Variants in GRIN2B observed in about 807,000 individuals in gnomAD.
GRIN2B encodes glutamate receptor ionotropic, NMDA 2B.
A neutral mutation model predicts 114.5 loss-of-function variants in GRIN2B; 5 were observed. That is an observed-to-expected ratio of 0.04 (90% CI 0.02 to 0.09). The LOEUF (loss-of-function observed/expected upper bound fraction) is 0.09. GRIN2B is among the 10% of genes least tolerant of loss of function. GRIN2B has a pLI of 1.00. For synonymous variants in GRIN2B, 787 were observed against 745.1 expected (o/e 1.06, Z -0.92); for missense variants, 1,108 against 1,943.5 (o/e 0.57, Z 8.08).
intron 5 of GRIN2B, among the ~76,000 whole-genome samples, chr12:13,620,478 CCT>C (rs2136486315): frequency 6.6e-6 from 1 of 152,280 alleles, no homozygotes; most frequent in Non-Finnish European, 1.5e-5. Flanking sequence ...AGCCCTGGCC[CCT>C]GTTGTTAAAC....
intron 3 of GRIN2B, among the ~76,000 whole-genome samples, chr12:13,862,058 G>A (rs1865761411): frequency 6.6e-6 from 1 of 152,196 alleles, no homozygotes; most frequent in South Asian, 2.1e-4. Flanking sequence ...TTTAGGAAGT[G>A]ATGCCCGAAT....
intron 8 of GRIN2B, among the ~76,000 whole-genome samples, chr12:13,614,016 C>CAAAAAA (rs77527098): frequency 1.3e-3 from 124 of 92,426 alleles, no homozygotes; most frequent in East Asian, 2.3e-3. Flanking sequence ...CCTTGCACAG[C>CAAAAAA]AAAAAAAAAA....
chr12:13,843,067 G>C (rs1591762864), intron 3 of GRIN2B, among the ~76,000 whole-genome samples: 1 of 132,128 alleles, frequency 7.6e-6, no homozygotes, highest in African/African-American at 2.9e-5. Flanking sequence ...TTTATTTTAA[G>C]TTCCAGGATA....
At chr12:13,693,915 G>A (rs923401631) in intron 4 of GRIN2B, among the ~76,000 whole-genome samples, 6 of 151,992 alleles carry the variant, frequency 3.9e-5, no homozygotes, top group African/African-American at 1.2e-4. Context: ...GACCAGTTCT[G>A]GTCACCAACT....
rs1349506481 is a variant in GRIN2B, at chr12:13,563,033, T to C, written c.4205A>G (p.Lys1402Arg). 1 of 1,613,894 alleles carries C rather than the reference T, an allele frequency of 6.2e-7. No homozygotes were observed. Among genetic ancestry groups the C allele is most frequent in the African/African-American group, 1.3e-5 (1 of 74,930 alleles). ...CGTGGGCTGCCTGAAGAAGTAGGAT[T>C]TGCTGCCATGGAGCAAGCACTGGTC... ...GDDQCLLHGS[K>R]SYFFRQPTVA... Residue 1402 changes from lysine (K) to arginine (R), a missense_variant, in exon 14 of 14, where the codon AAA (lysine) becomes AGA (arginine). Physicochemically the swap from Lys to Arg is conservative, Grantham distance 26 (BLOSUM62 2). Transcript: ENST00000609686.
At chr12:13,882,600 T>A (rs188629344) in intron 2 of GRIN2B, among the ~76,000 whole-genome samples, 1 of 152,224 alleles carries the variant, frequency 6.6e-6, no homozygotes, top group East Asian at 1.9e-4. Context: ...CACAGCGTTG[T>A]GAGACTTACG....
chr12:13,862,795 C>A (rs1467274042), intron 3 of GRIN2B, among the ~76,000 whole-genome samples: 2 of 152,096 alleles, frequency 1.3e-5, no homozygotes, highest in Non-Finnish European at 1.5e-5. Flanking sequence ...ATCTGTTAAG[C>A]CCCCAAACAT....
Position 13,753,175 on chromosome 12 carries a change from T to C in GRIN2B, c.1010+142A>G. The C allele has an allele frequency of 1.3e-6, 1 of 759,326 alleles. No individual in the cohort carries two copies. Among genetic ancestry groups the C allele is most frequent in the Non-Finnish European group, 2.4e-6 (1 of 415,350 alleles). The allele number at this position is 759,326 out of a possible 1,614,324, so 47.0% of individuals were successfully genotyped here. A position where few individuals can be genotyped will look rare whatever the true frequency, so the allele number is the denominator to read the frequency against. ...TGGATCCAAAACACTCCCCCAATCA[T>C]GACCAATTGCCATGCCCAAGGCCAG... On this transcript the variant is annotated intron_variant, in intron 4 of 13. Transcript: ENST00000609686. The surrounding 1 kb of genome is among the most constrained non-coding windows in gnomAD (Gnocchi z 6.2).
intron 5 of GRIN2B, among the ~76,000 whole-genome samples, chr12:13,648,963 TAAG>T (rs1381151786): frequency 3.9e-5 from 6 of 151,960 alleles, no homozygotes; most frequent in Non-Finnish European, 8.8e-5. Flanking sequence ...GAAAGAGGGA[TAAG>T]AAGAAATAGC....
intron 5 of GRIN2B, among the ~76,000 whole-genome samples, chr12:13,633,051 G>A (rs1949630480): frequency 6.6e-6 from 1 of 152,162 alleles, no homozygotes; most frequent in African/African-American, 2.4e-5. Context: ...GCTGCCCTGA[G>A]AACTCCACTC....
At chr12:13,770,732 T>C (rs537725080) in intron 3 of GRIN2B, among the ~76,000 whole-genome samples, 1 of 152,192 alleles carries the variant, frequency 6.6e-6, no homozygotes, top group Non-Finnish European at 1.5e-5. Flanking sequence ...GTGTTCTCAT[T>C]GCTCAGCTCC....
intron 3 of GRIN2B, among the ~76,000 whole-genome samples, chr12:13,806,870 C>T (rs1864609595): frequency 6.6e-6 from 1 of 151,798 alleles, no homozygotes; most frequent in Non-Finnish European, 1.5e-5. Flanking sequence ...ATGTTTAAGT[C>T]TTTAATCCAT....
chr12:13,811,861 A>G (rs1864736918), intron 3 of GRIN2B, among the ~76,000 whole-genome samples: 1 of 152,194 alleles, frequency 6.6e-6, no homozygotes, highest in African/African-American at 2.4e-5. Context: ...AATGGAGGAG[A>G]CATTAAGGGA....
intron 3 of GRIN2B, among the ~76,000 whole-genome samples, chr12:13,825,982 T>G (rs1033215226): frequency 2.0e-5 from 3 of 152,224 alleles, no homozygotes; most frequent in African/African-American, 4.8e-5. Context: ...TGGCTCTAAA[T>G]CATTTTGCTA....
At chr12:13,949,853 A>G (rs1867447026) in intron 2 of GRIN2B, among the ~76,000 whole-genome samples, 1 of 152,204 alleles carries the variant, frequency 6.6e-6, no homozygotes, top group Non-Finnish European at 1.5e-5. Context: ...GAAGCCTGCA[A>G]GAACCAAACC....
At position 13,745,324 on chromosome 12, in the gene GRIN2B, C is replaced by T. The variant is rs531879955; in HGVS notation, c.1010+7993G>A. Among the ~76,000 whole-genome samples, 9 of 152,280 alleles carry T rather than the reference C, an allele frequency of 5.9e-5. No individual in the cohort carries two copies. In the East Asian group the frequency reaches 1.4e-3, roughly 23 times the overall value. The stretch of plus-strand genomic sequence containing the variant: ...TGGGAAGAGAGAGCAGATGGAGAAA[C>T]GACTCCCACTCAATTCCTAAATAAT... On this transcript the variant is annotated intron_variant, in intron 4 of 13. Transcript: ENST00000609686.
intron 5 of GRIN2B, among the ~76,000 whole-genome samples, chr12:13,658,420 TAAAAG>T (rs1949888923): frequency 6.6e-6 from 1 of 151,972 alleles, no homozygotes; most frequent in Admixed American, 6.6e-5. Flanking sequence ...TATCGTTACA[TAAAAG>T]AGAAATGAAA....
chr12:13,780,814 A>G (rs921713933), intron 3 of GRIN2B, among the ~76,000 whole-genome samples: 3 of 135,664 alleles, frequency 2.2e-5, no homozygotes, highest in African/African-American at 8.4e-5. Context: ...CAGAAAAGGT[A>G]TTGTAAGGGC....
chr12:13,765,647 A>G (rs936794508), intron 3 of GRIN2B, among the ~76,000 whole-genome samples: 1 of 152,226 alleles, frequency 6.6e-6, no homozygotes, highest in African/African-American at 2.4e-5. Context: ...AGTTCTTATG[A>G]CAATATTCAT....
Sources: allele counts gnomAD v4.1 joint callset (sites outside exome capture counted in the v4.1 genomes callset), GRCh38; gene constraint gnomAD v4.1.1; non-coding constraint Gnocchi (gnomAD v3.1); transcripts MANE v1.5; gene names NCBI Gene and HGNC (gene_info 2026-07-23, HGNC 2026-07-21).